The following ST3GAL1 variants were observed in gnomAD, a reference collection of about 807,000 sequenced individuals.
ST3GAL1 encodes the protein CMP-N-acetylneuraminate-beta-galactosamide-alpha-2,3-sialyltransferase 1.
In ST3GAL1, 16 loss-of-function variants were observed where a neutral mutation model predicts 34.1. That is an observed-to-expected ratio of 0.47 (90% confidence interval 0.32 to 0.71). The LOEUF (loss-of-function observed/expected upper bound fraction) is 0.71. Ranked by LOEUF, ST3GAL1 falls within the 30% of genes least tolerant of loss-of-function variation. The probability of loss-of-function intolerance (pLI) is 0.04; values close to 1 mark genes in which losing one functional copy is unlikely to be tolerated. For synonymous variants in ST3GAL1, 191 were observed against 184.7 expected (o/e 1.03, Z -0.28); for missense variants, 353 against 447.4 (o/e 0.79, Z 1.90).
intron 3 of ST3GAL1, among the ~76,000 whole-genome samples, chr8:133,477,635 G>C (rs1273154577): frequency 2.0e-5 from 3 of 152,024 alleles, no homozygotes; most frequent in Non-Finnish European, 4.4e-5. Context: ...TAGAGCAAGG[G>C]GGGAGTATTC....
At chr8:133,460,723 AGAG>A in intron 9 of ST3GAL1, among the ~76,000 whole-genome samples, 1 of 152,164 alleles carries the variant, frequency 6.6e-6, no homozygotes, top group East Asian at 1.9e-4. Context: ...CCCGCAGCAC[AGAG>A]GAGGGAGGAG....
At chr8:133,515,511 C>G (rs888858406) in intron 2 of ST3GAL1, 2 of 152,164 alleles carry the variant, frequency 1.3e-5, no homozygotes, top group Non-Finnish European at 2.9e-5. Context: ...AGAGCCCCTA[C>G]GAATGAGGTT....
rs1262217481 is a variant in ST3GAL1 at position 133,551,602 on chromosome 8, GA to G, written c.-581-5677del. Reference sequence around the variant, plus strand: ...AGAAAGAAAGAAAGAAAGAAAGAAAGAAAGAAAGAAAGAAAGAGCGAGCAAG... The same window carrying G: ...AGAAAGAAAGAAAGAAAGAAAGAAAGAAGAAAGAAAGAAAGAGCGAGCAAG... On this transcript the variant is annotated intron_variant, in intron 1 of 9. Transcript: ENST00000522652. Among the ~76,000 whole-genome samples, 368 of 150,532 alleles carry G rather than the reference GA, an allele frequency of 2.4e-3. 2 individuals carry two copies. The highest frequency in any genetic ancestry group is 8.3e-3 in the African/African-American group (340 of 40,908).
chr8:133,459,862 C>G lies in ST3GAL1; in HGVS notation c.925G>C (p.Ala309Pro), dbSNP rs201797951. 6.2e-7 allele frequency: 1 copy of G among 1,614,098 alleles called. No individual in the cohort carries two copies. Among genetic ancestry groups the G allele is most frequent in the Non-Finnish European group, 8.5e-7 (1 of 1,180,000 alleles). Residue 309 changes from alanine (A) to proline (P), a missense_variant, in exon 10 of 10, where the codon GCT becomes CCT. Physicochemically the swap from Ala to Pro is conservative, Grantham distance 27. Transcript: ENST00000522652. This position sits in a 1 kb window ranked among gnomAD's most constrained non-coding sequence, Gnocchi z 4.7. ...HYWENNPSAG[A>P]FRKTGVHDAD... ...TCGTGCACCCCCGTCTTGCGAAAAGCCCCCGCGGATGGGTTGTTCTCCCAG... is the reference window on the plus strand; with the variant it reads ...TCGTGCACCCCCGTCTTGCGAAAAGGCCCCGCGGATGGGTTGTTCTCCCAG...
chr8:133,539,316 C>T (rs1340089016), intron 2 of ST3GAL1, among the ~76,000 whole-genome samples: 1 of 152,204 alleles, frequency 6.6e-6, no homozygotes, highest in Admixed American at 6.5e-5. Context: ...ACCGCCAACT[C>T]CCCTTGTGGC....
At chr8:133,507,064 T>G (rs1236183684) in intron 2 of ST3GAL1, among the ~76,000 whole-genome samples, 1 of 152,048 alleles carries the variant, frequency 6.6e-6, no homozygotes, top group Non-Finnish European at 1.5e-5. Flanking sequence ...CCTCAGAAGA[T>G]TATAGGCAGC....
At chr8:133,544,294 C>G (rs1216875226) in intron 2 of ST3GAL1, among the ~76,000 whole-genome samples, 1 of 152,220 alleles carries the variant, frequency 6.6e-6, no homozygotes, top group African/African-American at 2.4e-5. Context: ...TCCTGCCATG[C>G]CCCCAGTCTT....
At position 133,541,742 on chromosome 8, in the gene ST3GAL1, C is replaced by T. The variant is rs150836490; in HGVS notation, c.-429+4032G>A. 2.0e-3 allele frequency among the ~76,000 whole-genome samples: 307 copies of T among 152,276 alleles called. 1 individual carries two copies. The highest frequency in any genetic ancestry group is 4.6e-3 in the Admixed American group (70 of 15,286). ...TGCTTGCTATAAGCTTGCTGCTTTACCAGCTGTATAATCTGCACAAGTTAA... is the reference window on the plus strand; with the variant it reads ...TGCTTGCTATAAGCTTGCTGCTTTATCAGCTGTATAATCTGCACAAGTTAA... On this transcript the variant is annotated intron_variant, in intron 2 of 9. Coordinates refer to ENST00000522652, the MANE Select transcript of ST3GAL1 (RefSeq NM_173344.3).
At position 133,467,736 on chromosome 8, in the gene ST3GAL1, A is replaced by C. The variant is rs1204215301; in HGVS notation, c.307-1646T>G. ...AGCAGTGGCTTTGGCCACTGTCCAG[A>C]AGATGAGTGACCTGGGCATATGTAG... On this transcript the variant is annotated intron_variant, in intron 5 of 9. Coordinates refer to ENST00000522652, the MANE Select transcript of ST3GAL1 (RefSeq NM_173344.3). This position sits in a 1 kb window ranked among gnomAD's most constrained non-coding sequence, Gnocchi z 4.2. Among the ~76,000 whole-genome samples, 1 of 152,150 alleles carries C rather than the reference A, an allele frequency of 6.6e-6. No homozygotes were observed. Among genetic ancestry groups the C allele is most frequent in the East Asian group, 1.9e-4 (1 of 5,184 alleles).
chr8:133,522,981 G>C (rs777189145), intron 2 of ST3GAL1, among the ~76,000 whole-genome samples: 4 of 152,208 alleles, frequency 2.6e-5, no homozygotes, highest in Admixed American at 6.5e-5. Context: ...CTCTCAAGAA[G>C]AGACAGCCTT....
At chr8:133,502,785 A>T (rs1817224358) in intron 2 of ST3GAL1, among the ~76,000 whole-genome samples, 1 of 152,232 alleles carries the variant, frequency 6.6e-6, no homozygotes, top group Non-Finnish European at 1.5e-5. Context: ...AGTCAGACCC[A>T]GGCATCTGTC....
intron 5 of ST3GAL1, among the ~76,000 whole-genome samples, chr8:133,472,724 T>G (rs1431663080): frequency 6.6e-6 from 1 of 152,102 alleles, no homozygotes; most frequent in African/African-American, 2.4e-5. Flanking sequence ...TCCTTCCAAG[T>G]GGCTGCCCTG....
At chr8:133,544,873 A>G (rs1818634359) in intron 2 of ST3GAL1, among the ~76,000 whole-genome samples, 1 of 151,880 alleles carries the variant, frequency 6.6e-6, no homozygotes, top group Non-Finnish European at 1.5e-5. Flanking sequence ...TCATATAAAA[A>G]ACAGCTATAC....
At chr8:133,479,168 G>C (rs961706758) in intron 3 of ST3GAL1, among the ~76,000 whole-genome samples, 2 of 152,138 alleles carry the variant, frequency 1.3e-5, no homozygotes, top group Non-Finnish European at 2.9e-5. Flanking sequence ...TTCATTGACT[G>C]CATATTTGCT....
rs1819539048 is a variant in ST3GAL1 at position 133,570,605 on chromosome 8, G to A, written c.-582+1088C>T. On this transcript the variant is annotated intron_variant, in intron 1 of 9. Coordinates refer to ENST00000522652, the MANE Select transcript of ST3GAL1 (RefSeq NM_173344.3). The surrounding 1 kb of genome is among the most constrained non-coding windows in gnomAD (Gnocchi z 5.6). ...CCTGGGAGACCCGGCTGCAAGGCCA[G>A]GCTAATGCGCGCTCCGACGTCTCTG... Among the ~76,000 whole-genome samples the A allele has an allele frequency of 6.6e-6, 1 of 152,236 alleles. No individual in the cohort carries two copies. The highest frequency in any genetic ancestry group is 1.5e-5 in the Non-Finnish European group (1 of 68,044).
chr8:133,547,361 C>T (rs901506892), intron 1 of ST3GAL1, among the ~76,000 whole-genome samples: 3 of 152,072 alleles, frequency 2.0e-5, no homozygotes, highest in Non-Finnish European at 2.9e-5. Flanking sequence ...GCCTTGACCT[C>T]CAGGGTCAAG....
chr8:133,564,736 G>C (rs769250389), intron 1 of ST3GAL1, among the ~76,000 whole-genome samples: 1 of 152,152 alleles, frequency 6.6e-6, no homozygotes, highest in South Asian at 2.1e-4. Context: ...ACTAACATTT[G>C]TTGAGAGACC....
chr8:133,506,734 G>A (rs1218736898), intron 2 of ST3GAL1, among the ~76,000 whole-genome samples: 1 of 151,836 alleles, frequency 6.6e-6, no homozygotes, highest in African/African-American at 2.4e-5. Flanking sequence ...GCAGTAAGCC[G>A]AGATCGTGCC....
intron 1 of ST3GAL1, among the ~76,000 whole-genome samples, chr8:133,555,559 A>T (rs988544872): frequency 6.6e-6 from 1 of 152,220 alleles, no homozygotes; most frequent in African/African-American, 2.4e-5. Flanking sequence ...TTCCTAAAAA[A>T]AAAGAAAGGA....
Sources: gnomAD v4.1 joint callset for allele counts (sites outside exome capture counted in the v4.1 genomes callset) on GRCh38, gnomAD v4.1.1 for gene constraint, Gnocchi (gnomAD v3.1) non-coding constraint, MANE v1.5 for transcripts, NCBI Gene and HGNC (gene_info 2026-07-23, HGNC 2026-07-21) for gene names.